The following SERPINF1 variants were observed in gnomAD, a reference collection of about 807,000 sequenced individuals.
SERPINF1 encodes pigment epithelium-derived factor.
A neutral mutation model predicts 37.3 loss-of-function variants in SERPINF1; 29 were observed. That is an observed-to-expected ratio of 0.78 (90% CI 0.58 to 1.06). SERPINF1 has a LOEUF of 1.06. Ranked by LOEUF, SERPINF1 falls within the 50% of genes least tolerant of loss-of-function variation. The pLI is 0.00. For missense variants in SERPINF1, 553 were observed against 532.2 expected (o/e 1.04, Z -0.38); for synonymous variants, 281 against 227.9 (o/e 1.23, Z -2.10).
In SERPINF1 at chr17:1,771,089, G is replaced by A. The variant is rs778662628; in HGVS notation, c.344G>A (p.Ser115Asn). 1 of 1,614,080 alleles carries A rather than the reference G, an allele frequency of 6.2e-7. No homozygotes were observed. Among genetic ancestry groups the A allele is most frequent in the South Asian group, 1.1e-5 (1 of 91,078 alleles). The part of the protein sequence containing the change: ...HRALYYDLIS[S>N]PDIHGTYKEL... Reference sequence around the variant, plus strand: ...GCTCTCTACTATGACTTGATCAGCAGCCCAGACATCCATGGTACCTATAAG... The same window carrying A: ...GCTCTCTACTATGACTTGATCAGCAACCCAGACATCCATGGTACCTATAAG... Residue 115 changes from serine to asparagine, a missense_variant, in exon 4 of 8, where the codon AGC (serine) becomes AAC (asparagine). Physicochemically the swap from Ser to Asn is conservative, Grantham distance 46 (BLOSUM62 1). Transcript: ENST00000254722.
intron 5 of SERPINF1, among the ~76,000 whole-genome samples, chr17:1,774,673 G>C (rs1463802669): frequency 1.3e-5 from 2 of 152,010 alleles, no homozygotes; most frequent in African/African-American, 4.8e-5. Flanking sequence ...TGTTGGCCAG[G>C]CTGGTCTCAA....
chr17:1,776,630 C>T lies in SERPINF1; in HGVS notation c.885C>T (p.Ser295=), dbSNP rs373268645. 9.9e-6 allele frequency: 16 copies of T among 1,613,912 alleles called. No homozygotes were observed. The highest frequency in any genetic ancestry group is 6.7e-5 in the Admixed American group (4 of 59,974). Residue 295 remains serine, a synonymous_variant, in exon 7 of 8, where the codon TCC becomes TCT. Coordinates refer to ENST00000254722, the MANE Select transcript of SERPINF1 (RefSeq NM_002615.7). The stretch of plus-strand genomic sequence containing the variant: ...CCTTGATAGAGGAGAGCCTCACCTC[C>T]GAGTTCATTCATGACATAGACCGAG... The part of the protein sequence containing the change: ...NLTLIEESLT[S]EFIHDIDREL...
At position 1,777,400 on chromosome 17, in the gene SERPINF1, G is replaced by A. The variant is rs1183672391; in HGVS notation, c.1211G>A (p.Gly404Glu). 1.2e-6 allele frequency: 2 copies of A among 1,613,922 alleles called. No homozygotes were observed. The highest frequency in any genetic ancestry group is 1.1e-5 in the South Asian group (1 of 91,072). ...FIFVLRDTDTGALLFIGKILD... is the reference protein window; with the variant it reads ...FIFVLRDTDTEALLFIGKILD... ...TTCGTACTGAGGGACACAGACACAGGGGCCCTTCTCTTCATTGGCAAGATT... is the reference window on the plus strand; with the variant it reads ...TTCGTACTGAGGGACACAGACACAGAGGCCCTTCTCTTCATTGGCAAGATT... The change falls in exon 8 of 8, where the codon GGG (glycine) becomes GAG (glutamate). Residue 404 changes from glycine to glutamate, a missense_variant. By Grantham distance (98) the Gly-to-Glu change is moderately conservative. Coordinates refer to ENST00000254722, the MANE Select transcript of SERPINF1 (RefSeq NM_002615.7).
chr17:1,777,450 C>T lies in SERPINF1; in HGVS notation c.*4C>T. The T allele has an allele frequency of 6.2e-7, 1 of 1,614,068 alleles. No individual in the cohort carries two copies. The highest frequency in any genetic ancestry group is 1.1e-5 in the South Asian group (1 of 91,072). ...TCTGGACCCCAGGGGCCCCTAATATCCCAGTTTAATATTCCAATACCCTAG... is the reference window on the plus strand; with the variant it reads ...TCTGGACCCCAGGGGCCCCTAATATTCCAGTTTAATATTCCAATACCCTAG... On this transcript the variant is annotated 3_prime_UTR_variant, in exon 8 of 8. Transcript: ENST00000254722.
At chr17:1,772,497 C>T (rs1261064770) in intron 5 of SERPINF1, among the ~76,000 whole-genome samples, 2 of 152,148 alleles carry the variant, frequency 1.3e-5, no homozygotes, top group Non-Finnish European at 2.9e-5. Flanking sequence ...GTAATCCTCC[C>T]ACCTTGGCCT....
chr17:1,774,041 C>T (rs1907889470), intron 5 of SERPINF1, among the ~76,000 whole-genome samples: 1 of 152,158 alleles, frequency 6.6e-6, no homozygotes, highest in Non-Finnish European at 1.5e-5. Flanking sequence ...CAGCTGGCTT[C>T]CAGAGCGTCA....
chr17:1,773,917 G>A (rs923628862), intron 5 of SERPINF1, among the ~76,000 whole-genome samples: 18 of 152,180 alleles, frequency 1.2e-4, no homozygotes, highest in Non-Finnish European at 2.2e-4. Flanking sequence ...CGGCCCCCGA[G>A]CCTGGACAAA....
chr17:1,765,751 C>T lies in SERPINF1; in HGVS notation c.-8-1152C>T, dbSNP rs147970246. ...ATGCGCCTGCAGTCCCAGCTACTCA[C>T]GAGGCTGAGGCAGGAGGATCACATG... On this transcript the variant is annotated intron_variant, in intron 1 of 7. Transcript: ENST00000254722. Among the ~76,000 whole-genome samples, 1,120 of 151,714 alleles carry T rather than the reference C, an allele frequency of 7.4e-3. 4 individuals are homozygous for T. The highest frequency in any genetic ancestry group is 0.012 in the Non-Finnish European group (849 of 67,970).
chr17:1,766,062 CTA>C (rs1343734927), intron 1 of SERPINF1, among the ~76,000 whole-genome samples: 6 of 152,076 alleles, frequency 3.9e-5, no homozygotes, highest in Admixed American at 1.3e-4. Flanking sequence ...CTGGGTGCCT[CTA>C]TGCTTGGTAT....
intron 6 of SERPINF1, among the ~76,000 whole-genome samples, chr17:1,776,006 T>G (rs1908006660): frequency 6.6e-6 from 1 of 152,132 alleles, no homozygotes; most frequent in East Asian, 1.9e-4. Flanking sequence ...CTGTCAACGA[T>G]TTCGGAGACT....
intron 2 of SERPINF1, 130 bp from the exon 3 acceptor site, chr17:1,769,722 C>T: frequency 1.0e-6 from 1 of 1,000,960 alleles, no homozygotes; most frequent in East Asian, 2.4e-5. Flanking sequence ...TTAGGCCAAA[C>T]ACAGAAAAAT....
In SERPINF1 at chr17:1,775,112, T is replaced by C; in HGVS notation, c.698T>C (p.Leu233Ser). The C allele has an allele frequency of 4.3e-6, 7 of 1,613,874 alleles. No individual in the cohort carries two copies. Among genetic ancestry groups the C allele is most frequent in the Non-Finnish European group, 5.1e-6 (6 of 1,179,982 alleles). ...AAGACTTCCCTCGAGGATTTCTACT[T>C]GGATGAAGAGAGGACCGTGAGGGTC... ...SRKTSLEDFY[L>S]DEERTVRVPM... The change falls in exon 6 of 8, where the codon TTG (leucine) becomes TCG (serine). Residue 233 changes from leucine to serine, a missense_variant. Physicochemically the swap from Leu to Ser is moderately radical, Grantham distance 145. Transcript: ENST00000254722.
At chr17:1,774,142 C>T (rs934848179) in intron 5 of SERPINF1, among the ~76,000 whole-genome samples, 9 of 152,158 alleles carry the variant, frequency 5.9e-5, no homozygotes, top group Non-Finnish European at 1.5e-5. Flanking sequence ...CAGCTCAGAC[C>T]TTCTTTGACT....
intron 5 of SERPINF1, among the ~76,000 whole-genome samples, chr17:1,772,555 T>C (rs1413142024): frequency 6.7e-6 from 1 of 149,622 alleles, no homozygotes; most frequent in Non-Finnish European, 1.5e-5. Context: ...CCGGCCCTTT[T>C]ACATTTATTT....
chr17:1,776,552 C>G lies in SERPINF1; in HGVS notation c.807C>G (p.Thr269=). 6.2e-7 allele frequency: 1 copy of G among 1,614,014 alleles called. No individual in the cohort carries two copies. Among genetic ancestry groups the G allele is most frequent in the Non-Finnish European group, 8.5e-7 (1 of 1,180,030 alleles). ...CTCAGATTGCCCAGCTGCCCTTGAC[C>G]GGAAGCATGAGTATCATCTTCTTCC... The part of the protein sequence containing the change: ...LSCKIAQLPL[T]GSMSIIFFLP... The change falls in exon 7 of 8, where the codon ACC becomes ACG. Residue 269 remains threonine, a synonymous_variant. Transcript: ENST00000254722.
rs779858696 is a variant in SERPINF1, at chr17:1,777,296, G to A, written c.1107G>A (p.Ala369=). ...RAGFEWNEDG[A]GTTPSPGLQP... Reference sequence around the variant, plus strand: ...GCTTTGAGTGGAACGAGGATGGGGCGGGAACCACCCCCAGCCCAGGGCTGC... The same window carrying A: ...GCTTTGAGTGGAACGAGGATGGGGCAGGAACCACCCCCAGCCCAGGGCTGC... Residue 369 remains alanine (A), a synonymous_variant, in exon 8 of 8, where the codon GCG becomes GCA. Transcript: ENST00000254722. 42 of 1,614,014 alleles carry A rather than the reference G, an allele frequency of 2.6e-5. No homozygotes were observed. Among genetic ancestry groups the A allele is most frequent in the Non-Finnish European group, 3.1e-5 (37 of 1,180,032 alleles).
intron 1 of SERPINF1, among the ~76,000 whole-genome samples, chr17:1,765,004 C>T (rs1443747846): frequency 6.7e-6 from 1 of 149,872 alleles, no homozygotes; most frequent in Non-Finnish European, 1.5e-5. Flanking sequence ...CCACCACACC[C>T]GGCTAATTTT....
At chr17:1,768,381 A>G (rs1907514066) in intron 2 of SERPINF1, among the ~76,000 whole-genome samples, 1 of 144,644 alleles carries the variant, frequency 6.9e-6, no homozygotes, top group Non-Finnish European at 1.5e-5. Context: ...CAGTGAGCTG[A>G]GCTCGCACCA....
chr17:1,777,084 A>C, intron 7 of SERPINF1, 103 bp from the exon 8 acceptor site: 3 of 1,581,168 alleles, frequency 1.9e-6, no homozygotes, highest in Non-Finnish European at 2.6e-6. Context: ...CCTCAGAGAA[A>C]GTCAACAGTG....
Sources: gnomAD v4.1 joint callset for allele counts (sites outside exome capture counted in the v4.1 genomes callset) on GRCh38, gnomAD v4.1.1 for gene constraint, MANE v1.5 for transcripts, NCBI Gene and HGNC (gene_info 2026-07-23, HGNC 2026-07-21) for gene names.